Variants in F8 observed in about 807,000 individuals in gnomAD.
F8 encodes the protein antihemophilic factor.
A neutral mutation model predicts 140.6 loss-of-function variants in F8; 12 were observed. That is an observed-to-expected ratio of 0.09 (90% CI 0.05 to 0.14). The LOEUF (loss-of-function observed/expected upper bound fraction) is 0.14. Among genes scored for constraint, F8 ranks in the 10% least tolerant of loss-of-function variants. F8 has a pLI of 1.00. For missense variants in F8, 1,354 were observed against 1,720.7 expected (o/e 0.79, Z 3.77); for synonymous variants, 585 against 614.6 (o/e 0.95, Z 0.71).
At chrX:154,864,755 A>G (rs1335810259) in intron 22 of F8, among the ~76,000 whole-genome samples, 2 of 112,126 alleles carry the variant, frequency 1.8e-5, no homozygotes, top group African/African-American at 6.5e-5. Context: ...AGAAGAAAGA[A>G]TTTGTAAACT....
intron 6 of F8, among the ~76,000 whole-genome samples, chrX:154,972,231 G>A (rs1557282633): frequency 8.9e-6 from 1 of 111,880 alleles, no homozygotes; most frequent in African/African-American, 3.3e-5. Flanking sequence ...AGGGGTAAGT[G>A]ATATCTCATT....
intron 21 of F8, 84 bp from the exon 22 acceptor site, chrX:154,896,316 A>G: frequency 1.0e-6 from 1 of 1,000,614 alleles, no homozygotes; most frequent in Non-Finnish European, 1.4e-6. Context: ...CTTAGGAAGA[A>G]TCTACATTGC....
Position 154,929,958 on chromosome X carries a change from T to C in F8, c.3832A>G (p.Asn1278Asp), listed in dbSNP as rs782023273. Reference sequence around the variant, plus strand: ...TGAGCTGTGTGTTTCTTTGTTCTATTTGTTGAATCATTTAATGACCTAAAA... The same window carrying C: ...TGAGCTGTGTGTTTCTTTGTTCTATCTGTTGAATCATTTAATGACCTAAAA... Reference protein sequence around the residue: ...QDFRSLNDSTNRTKKHTAHFS... With the variant: ...QDFRSLNDSTDRTKKHTAHFS... Residue 1278 changes from asparagine (N) to aspartate (D), a missense_variant, in exon 14 of 26, where the codon AAT (asparagine) becomes GAT (aspartate). Physicochemically the swap from Asn to Asp is conservative, Grantham distance 23 (BLOSUM62 1). Coordinates refer to ENST00000360256, the MANE Select transcript of F8 (RefSeq NM_000132.4). 3 of 1,209,417 alleles carry C rather than the reference T, an allele frequency of 2.5e-6. No individual in the cohort carries two copies. The highest frequency in any genetic ancestry group is 3.5e-5 in the African/African-American group (2 of 57,108).
chrX:154,985,673 G>T (rs782279311), intron 5 of F8, among the ~76,000 whole-genome samples: 1 of 112,099 alleles, frequency 8.9e-6, no homozygotes, highest in Non-Finnish European at 1.9e-5. Context: ...AAAACTTTAT[G>T]AGGCAGCCAT....
At chrX:154,866,135 A>T (rs1252062711) in intron 22 of F8, among the ~76,000 whole-genome samples, 2 of 111,862 alleles carry the variant, frequency 1.8e-5, no homozygotes, top group African/African-American at 6.5e-5. Context: ...TTAAGTAAAA[A>T]ACTGTGACAT....
chrX:154,999,503 C>T lies in F8; in HGVS notation c.241G>A (p.Ala81Thr), dbSNP rs1210085395. Residue 81 changes from alanine to threonine, a missense_variant, in exon 2 of 26, where the codon GCT (alanine) becomes ACT (threonine). This residue lies in a region of F8 where 128 missense variants were observed against 230.4 expected (regional missense o/e 0.56). Coordinates refer to ENST00000360256, the MANE Select transcript of F8 (RefSeq NM_000132.4). Reference protein sequence around the residue: ...VEFTDHLFNIAKPRPPWMGLL... With the variant: ...VEFTDHLFNITKPRPPWMGLL... ...CCCATCCAGGGTGGCCTTGGCTTAGCGATGTTGAAAAGGTGATCCGTGAAT... is the reference window on the plus strand; with the variant it reads ...CCCATCCAGGGTGGCCTTGGCTTAGTGATGTTGAAAAGGTGATCCGTGAAT... 2.8e-5 allele frequency: 34 copies of T among 1,205,389 alleles called. No homozygotes were observed. Among genetic ancestry groups the T allele is most frequent in the African/African-American group, 7.0e-5 (4 of 56,926 alleles).
intron 22 of F8, among the ~76,000 whole-genome samples, chrX:154,894,895 T>C (rs1381426218): frequency 9.0e-6 from 1 of 111,629 alleles, no homozygotes; most frequent in African/African-American, 3.3e-5. Context: ...AACTTCCAGA[T>C]GATTCCAGCA....
intron 9 of F8, among the ~76,000 whole-genome samples, chrX:154,963,582 G>A (rs1256919845): frequency 9.0e-6 from 1 of 111,591 alleles, no homozygotes; most frequent in Non-Finnish European, 1.9e-5. Context: ...TGGGATGGCT[G>A]GGTCAAATGG....
At chrX:155,003,357 A>C (rs1273785345) in intron 1 of F8, among the ~76,000 whole-genome samples, 8 of 109,713 alleles carry the variant, frequency 7.3e-5, no homozygotes, top group African/African-American at 2.7e-4. Flanking sequence ...TGAGGAAAGA[A>C]TCTCTGAGCT....
At chrX:154,914,375 A>C (rs1176277273) in intron 14 of F8, among the ~76,000 whole-genome samples, 1 of 112,889 alleles carries the variant, frequency 8.9e-6, no homozygotes, top group Non-Finnish European at 1.9e-5. Context: ...TGTTAATTAT[A>C]TAAATTTCTG....
chrX:154,966,806 T>C, intron 7 of F8, 119 bp from the exon 8 acceptor site: 1 of 903,221 alleles, frequency 1.1e-6, no homozygotes. Context: ...CTGCAGGCTA[T>C]ATGGGAAGCA....
intron 23 of F8, among the ~76,000 whole-genome samples, chrX:154,862,263 T>C (rs28739577): frequency 8.1e-5 from 9 of 111,482 alleles, no homozygotes; most frequent in African/African-American, 2.3e-4. Context: ...CCTGACCTCG[T>C]GATCCACCCG....
intron 3 of F8, among the ~76,000 whole-genome samples, chrX:154,994,626 A>C (rs1016448834): frequency 2.7e-5 from 3 of 112,039 alleles, no homozygotes; most frequent in Non-Finnish European, 5.6e-5. Flanking sequence ...AAATTAAATA[A>C]GTTTTTTGGC....
rs1464962436 is a variant in F8, at chrX:154,984,719, G to A, written c.755C>T (p.Thr252Ile). The change falls in exon 6 of 26, where the codon ACA (threonine) becomes ATA (isoleucine). Residue 252 changes from threonine to isoleucine, a missense_variant. Thr to Ile is a moderately conservative substitution (Grantham distance 89). Around this residue, in one of 4 missense-constraint regions of F8, gnomAD observed 128 missense variants for 230.4 expected, o/e 0.56. Transcript: ENST00000360256. ...AGACCTGTTTACATAACCATTGACTGTGTGCATTTTAGGCCAGGCCCGAGC... is the reference window on the plus strand; with the variant it reads ...AGACCTGTTTACATAACCATTGACTATGTGCATTTTAGGCCAGGCCCGAGC... ...ASARAWPKMHTVNGYVNRSLP... is the reference protein window; with the variant it reads ...ASARAWPKMHIVNGYVNRSLP... 8.3e-7 allele frequency: 1 copy of A among 1,210,670 alleles called. No individual in the cohort carries two copies. The highest frequency in any genetic ancestry group is 1.1e-6 in the Non-Finnish European group (1 of 894,481).
At chrX:154,916,958 T>C (rs2073101020) in intron 14 of F8, among the ~76,000 whole-genome samples, 1 of 111,216 alleles carries the variant, frequency 9.0e-6, no homozygotes, top group African/African-American at 3.3e-5. Context: ...GCTTTTGTTG[T>C]ATCCCATTCA....
chrX:154,998,797 C>A (rs1320230928), intron 2 of F8, among the ~76,000 whole-genome samples: 1 of 111,789 alleles, frequency 8.9e-6, no homozygotes, highest in Admixed American at 9.5e-5. Flanking sequence ...TTGCCCACTC[C>A]CCCTGCTATT....
chrX:154,924,111 C>T (rs924409479), intron 14 of F8, among the ~76,000 whole-genome samples: 1 of 112,404 alleles, frequency 8.9e-6, no homozygotes, highest in Non-Finnish European at 1.9e-5. Context: ...ACAGTAAGTC[C>T]ATAAAACCTC....
At position 155,021,400 on chromosome X, in the gene F8, ATTTAAATCT is replaced by A. The variant is rs782094323; in HGVS notation, c.143+1001_143+1009del. On this transcript the variant is annotated intron_variant, in intron 1 of 25. Transcript: ENST00000360256. Reference sequence around the variant, plus strand: ...TACACAGCCACAATCTATGTATTATATTTAAATCTTTATAATACACATTTAAAGAAGACA... The same window carrying A: ...TACACAGCCACAATCTATGTATTATATTATAATACACATTTAAAGAAGACA... Among the ~76,000 whole-genome samples, 545 of 111,854 alleles carry A rather than the reference ATTTAAATCT, an allele frequency of 4.9e-3. 2 individuals are homozygous for A. Among genetic ancestry groups the A allele is most frequent in the Non-Finnish European group, 8.0e-3 (426 of 53,161 alleles).
chrX:154,949,081 G>GA (rs1317512916), intron 12 of F8, among the ~76,000 whole-genome samples: 1 of 111,547 alleles, frequency 9.0e-6, no homozygotes, highest in Non-Finnish European at 1.9e-5. Flanking sequence ...TATCCACTTG[G>GA]AAAAAATAGA....
Sources: gnomAD v4.1 joint callset for allele counts (sites outside exome capture counted in the v4.1 genomes callset) on GRCh38, gnomAD v4.1.1 for gene constraint, gnomAD v4.1.1 regional missense constraint, MANE v1.5 for transcripts, NCBI Gene and HGNC (gene_info 2026-07-23, HGNC 2026-07-21) for gene names.